Variants in PSD3 observed in about 807,000 individuals in gnomAD.
PSD3 encodes the protein PH and SEC7 domain-containing protein 3.
A neutral mutation model predicts 105.5 loss-of-function variants in PSD3; 49 were observed. The ratio of observed to expected loss-of-function variants is 0.46; its 90% CI spans 0.37 to 0.59. The LOEUF is 0.59. PSD3 is among the 20% of genes least tolerant of loss of function. The probability of loss-of-function intolerance (pLI) is 0.00; values close to 1 mark genes in which losing one functional copy is unlikely to be tolerated. For missense variants in PSD3, 1,561 were observed against 1,263.8 expected, an observed-to-expected ratio of 1.24 and a Z score of -3.57; for synonymous variants, 557 against 457.8, an observed-to-expected ratio of 1.22 and a Z score of -2.77.
chr8:19,065,684 C>T (rs1392398742), intron 1 of PSD3, among the ~76,000 whole-genome samples: 1 of 152,220 alleles, frequency 6.6e-6, no homozygotes, highest in Non-Finnish European at 1.5e-5. Context: ...CCATCCCTTA[C>T]ACAGGCATGC....
chr8:18,865,904 G>T (rs17127360), intron 4 of PSD3, among the ~76,000 whole-genome samples: 8,118 of 152,206 alleles, frequency 0.053, 549 homozygotes, highest in African/African-American at 0.15. Flanking sequence ...CCTCGTGACT[G>T]GCACCCATGC....
At chr8:18,752,336 C>A (rs947986704) in intron 9 of PSD3, among the ~76,000 whole-genome samples, 4 of 148,092 alleles carry the variant, frequency 2.7e-5, no homozygotes, top group Admixed American at 7.0e-5. Context: ...AAGAATTACA[C>A]TAGGTATGAG....
chr8:19,074,780 C>G (rs911929803), intron 1 of PSD3, among the ~76,000 whole-genome samples: 6 of 150,946 alleles, frequency 4.0e-5, no homozygotes, highest in African/African-American at 1.5e-4. Flanking sequence ...ACCACCACAC[C>G]GGGCTAATTT....
chr8:18,754,732 T>C (rs926032878), intron 9 of PSD3, among the ~76,000 whole-genome samples: 1 of 152,144 alleles, frequency 6.6e-6, no homozygotes, highest in Non-Finnish European at 1.5e-5. Context: ...TATTTTTATT[T>C]TTTTGCTTGT....
At chr8:18,855,674 T>C (rs966778236) in intron 4 of PSD3, among the ~76,000 whole-genome samples, 2 of 143,074 alleles carry the variant, frequency 1.4e-5, no homozygotes, top group African/African-American at 5.4e-5. Context: ...ACAAGATAGC[T>C]TGTATATGAA....
At chr8:18,595,634 C>T (rs1162563133) in intron 12 of PSD3, among the ~76,000 whole-genome samples, 6 of 151,906 alleles carry the variant, frequency 3.9e-5, no homozygotes, top group Non-Finnish European at 5.9e-5. Context: ...GGTAGCCATA[C>T]TTATATTATA....
At chr8:18,751,064 T>C (rs1170090594) in intron 9 of PSD3, among the ~76,000 whole-genome samples, 2 of 152,088 alleles carry the variant, frequency 1.3e-5, no homozygotes, top group African/African-American at 4.8e-5. Flanking sequence ...CCTTGGGCAG[T>C]TGATGGACCT....
intron 1 of PSD3, among the ~76,000 whole-genome samples, chr8:18,945,088 G>A (rs1442713217): frequency 1.4e-5 from 2 of 147,118 alleles, no homozygotes; most frequent in Middle Eastern, 3.5e-3. Flanking sequence ...ACACACATAC[G>A]TACACACACA....
chr8:19,081,681 T>C (rs1829650647), intron 1 of PSD3, among the ~76,000 whole-genome samples: 1 of 152,210 alleles, frequency 6.6e-6, no homozygotes. Context: ...CAATGAAGAT[T>C]TGTTCTTCAT....
At chr8:18,675,522 A>G (rs926049898) in intron 9 of PSD3, among the ~76,000 whole-genome samples, 12 of 152,174 alleles carry the variant, frequency 7.9e-5, no homozygotes, top group African/African-American at 2.9e-4. Context: ...GCTACAAACA[A>G]TGGCATGTCA....
At chr8:18,775,379 G>C (rs143922228) in intron 8 of PSD3, among the ~76,000 whole-genome samples, 5 of 152,196 alleles carry the variant, frequency 3.3e-5, no homozygotes, top group African/African-American at 1.2e-4. Context: ...TATATACCAA[G>C]CAGTGGGAAT....
chr8:19,068,843 C>A (rs1280548826), intron 1 of PSD3, among the ~76,000 whole-genome samples: 1 of 151,844 alleles, frequency 6.6e-6, no homozygotes, highest in East Asian at 1.9e-4. Flanking sequence ...GTTGGGCTGG[C>A]TCTGACTGTG....
chr8:18,971,258 G>A (rs1224810152), intron 1 of PSD3, among the ~76,000 whole-genome samples: 3 of 152,108 alleles, frequency 2.0e-5, no homozygotes, highest in Non-Finnish European at 2.9e-5. Flanking sequence ...TGGGAGGGCC[G>A]GACACCCAGG....
chr8:18,659,543 T>TA (rs1563150858), intron 9 of PSD3, among the ~76,000 whole-genome samples: 1 of 152,242 alleles, frequency 6.6e-6, no homozygotes, highest in Non-Finnish European at 1.5e-5. Context: ...ATCAACTAAG[T>TA]ACATTGTCTC....
chr8:18,643,710 T>TTGGG (rs1206417152), intron 10 of PSD3, among the ~76,000 whole-genome samples: 12 of 152,348 alleles, frequency 7.9e-5, no homozygotes, highest in African/African-American at 9.6e-5. Flanking sequence ...AACACTGGAA[T>TTGGG]TGGGGTTGGG....
At position 18,801,389 on chromosome 8, in the gene PSD3, G is replaced by C; in HGVS notation, c.1911-7C>G. On this transcript the variant is annotated splice_region_variant and splice_polypyrimidine_tract_variant and intron_variant, in intron 6 of 15. Transcript: ENST00000327040. ...GAATGCTTTAAAGAAATACCTACAA[G>C]AGAATTAAAAATTTAAACAGTGAAA... The C allele has an allele frequency of 6.5e-7, 1 of 1,537,838 alleles. No individual in the cohort carries two copies. Among genetic ancestry groups the C allele is most frequent in the South Asian group, 1.2e-5 (1 of 85,946 alleles).
At chr8:18,688,493 G>C (rs573712486) in intron 9 of PSD3, among the ~76,000 whole-genome samples, 1 of 152,088 alleles carries the variant, frequency 6.6e-6, no homozygotes, top group African/African-American at 2.4e-5. Context: ...CATAGTATTC[G>C]AGCATGTGAA....
rs545122137 is a variant in PSD3, at chr8:18,701,945, G to A, written c.2173-46260C>T. On this transcript the variant is annotated intron_variant, in intron 9 of 15. Transcript: ENST00000327040. ...TCACAGGACCATTTACGGCTCTTGG[G>A]ATTTTTGCCTACAAATTATGTGAAA... Among the ~76,000 whole-genome samples the A allele has an allele frequency of 5.9e-5, 9 of 152,262 alleles. No individual in the cohort carries two copies. The East Asian group carries it at 1.7e-3, about 29-fold the overall frequency.
chr8:19,079,511 AAAC>A (rs367984964), intron 1 of PSD3, among the ~76,000 whole-genome samples: 90 of 152,360 alleles, frequency 5.9e-4, no homozygotes, highest in African/African-American at 1.6e-3. Flanking sequence ...TTTATGAGAA[AAAC>A]AACTTTTAAA....
Sources: gnomAD v4.1 joint callset for allele counts (sites outside exome capture counted in the v4.1 genomes callset) on GRCh38, gnomAD v4.1.1 for gene constraint, MANE v1.5 for transcripts, NCBI Gene and HGNC (gene_info 2026-07-23, HGNC 2026-07-21) for gene names.